QTMAN: variants seen among roughly 807,000 people sequenced by gnomAD.
The protein encoded by QTMAN is queuosine-tRNA mannosyltransferase.
chr2:144,115,085 GC>G, the QTMAN span, among the ~76,000 whole-genome samples: 1 of 151,886 alleles, frequency 6.6e-6, no homozygotes, highest in African/African-American at 2.4e-5. Flanking sequence ...AAAAAAATTA[GC>G]CAGCTGTGGT....
chr2:144,167,188 C>T, the QTMAN span, among the ~76,000 whole-genome samples: 1 of 152,106 alleles, frequency 6.6e-6, no homozygotes, highest in Non-Finnish European at 1.5e-5. Flanking sequence ...TAGATTGATG[C>T]TTTTATATTC....
chr2:144,000,393 C>T, the QTMAN span, among the ~76,000 whole-genome samples: 1 of 151,930 alleles, frequency 6.6e-6, no homozygotes, highest in Non-Finnish European at 1.5e-5. Flanking sequence ...AACTAACCAA[C>T]AAATTTCCCC....
chr2:144,067,750 G>A, the QTMAN span, among the ~76,000 whole-genome samples: 1 of 152,106 alleles, frequency 6.6e-6, no homozygotes, highest in African/African-American at 2.4e-5. Context: ...GGAAGAAGGG[G>A]GTGCTAGGCA....
the QTMAN span, among the ~76,000 whole-genome samples, chr2:144,310,867 G>GACA: frequency 6.6e-6 from 1 of 152,138 alleles, no homozygotes; most frequent in Non-Finnish European, 1.5e-5. Flanking sequence ...GATGTCATAA[G>GACA]ACAGCTGGAT....
the QTMAN span, among the ~76,000 whole-genome samples, chr2:144,039,951 C>T: frequency 6.6e-6 from 1 of 152,148 alleles, no homozygotes; most frequent in African/African-American, 2.4e-5. Context: ...AAAGCTACAG[C>T]CAGCTTGCTA....
chr2:144,026,227 A>C, the QTMAN span, among the ~76,000 whole-genome samples: 8 of 152,094 alleles, frequency 5.3e-5, no homozygotes, highest in Admixed American at 1.3e-4. Context: ...TGAGGTCAGG[A>C]GTTTGAGACC....
the QTMAN span, among the ~76,000 whole-genome samples, chr2:144,047,196 A>G: frequency 1.3e-5 from 2 of 152,130 alleles, no homozygotes; most frequent in East Asian, 3.9e-4. Flanking sequence ...GCTTGAGCCC[A>G]AGAGGTGGAG....
At chr2:144,238,327 C>G in the QTMAN span, among the ~76,000 whole-genome samples, 1 of 152,128 alleles carries the variant, frequency 6.6e-6, no homozygotes, top group Non-Finnish European at 1.5e-5. Flanking sequence ...ACTAAATGAT[C>G]CCTAGTCTCA....
chr2:144,320,726 G>C, the QTMAN span, among the ~76,000 whole-genome samples: 1 of 152,266 alleles, frequency 6.6e-6, no homozygotes, highest in East Asian at 1.9e-4. Context: ...GTGGGCAAGG[G>C]GCTGAGTCAC....
the QTMAN span, chr2:144,142,171 AG>A: frequency 3.2e-6 from 2 of 633,002 alleles, no homozygotes; most frequent in Non-Finnish European, 5.3e-6. Context: ...AGGTTTGCAA[AG>A]AACTCTTCAC....
chr2:144,208,674 C>A, the QTMAN span: 4 of 1,613,916 alleles, frequency 2.5e-6, no homozygotes, highest in African/African-American at 1.3e-5. Context: ...AATGCCATTT[C>A]TTTGCAGGAA....
the QTMAN span, among the ~76,000 whole-genome samples, chr2:144,115,319 C>T: frequency 3.3e-5 from 5 of 152,186 alleles, no homozygotes; most frequent in Admixed American, 3.3e-4. Flanking sequence ...AGTAAGAATG[C>T]TCTGGCTAAG....
chr2:143,958,295 A>AT, the QTMAN span, among the ~76,000 whole-genome samples: 1 of 152,136 alleles, frequency 6.6e-6, no homozygotes, highest in Non-Finnish European at 1.5e-5. Flanking sequence ...AGTTTAGGCA[A>AT]TAAATCCAAG....
the QTMAN span, among the ~76,000 whole-genome samples, chr2:144,255,294 T>C: frequency 2.0e-5 from 3 of 152,202 alleles, no homozygotes; most frequent in Non-Finnish European, 4.4e-5. Context: ...AATTGAATCA[T>C]GAGGGCAGTT....
the QTMAN span, among the ~76,000 whole-genome samples, chr2:144,325,799 T>C: frequency 6.6e-6 from 1 of 152,324 alleles, no homozygotes; most frequent in South Asian, 2.1e-4. Context: ...AATTCAAAAG[T>C]CCTCTTTAAA....
the QTMAN span, among the ~76,000 whole-genome samples, chr2:144,124,736 T>A: frequency 6.6e-6 from 1 of 152,178 alleles, no homozygotes; most frequent in African/African-American, 2.4e-5. Flanking sequence ...TTCCTAAACT[T>A]AATTACCATT....
the QTMAN span, among the ~76,000 whole-genome samples, chr2:144,067,994 T>A: frequency 6.6e-6 from 1 of 152,226 alleles, no homozygotes; most frequent in Non-Finnish European, 1.5e-5. Flanking sequence ...ACCAGGATAA[T>A]ATGCCAAAGA....
chr2:144,320,495 T>C, the QTMAN span, among the ~76,000 whole-genome samples: 5 of 152,302 alleles, frequency 3.3e-5, no homozygotes, highest in South Asian at 4.1e-4. Flanking sequence ...GTCTCCCTTT[T>C]GGCTCAGTTT....
the QTMAN span, among the ~76,000 whole-genome samples, chr2:144,109,958 T>G: frequency 1.3e-5 from 2 of 152,170 alleles, no homozygotes; most frequent in Non-Finnish European, 2.9e-5. Flanking sequence ...GTAAACTAGT[T>G]CAACCATTGT....
Sources: gnomAD v4.1 joint callset for allele counts (sites outside exome capture counted in the v4.1 genomes callset) on GRCh38, gnomAD v4.1.1 for gene constraint, MANE v1.5 for transcripts, NCBI Gene and HGNC (gene_info 2026-07-23, HGNC 2026-07-21) for gene names.